Variants in KCNH8 observed in about 807,000 individuals in gnomAD.
The protein encoded by KCNH8 is potassium voltage-gated channel subfamily H member 8.
In KCNH8, 70 loss-of-function variants were observed where a neutral mutation model predicts 103.6. The ratio of observed to expected loss-of-function variants is 0.68; its 90% confidence interval spans 0.56 to 0.82. The LOEUF is 0.82. Ranked by LOEUF, KCNH8 falls within the 40% of genes least tolerant of loss-of-function variation. KCNH8 has a pLI of 0.00. For synonymous variants in KCNH8, 498 were observed against 489.4 expected (o/e 1.02, Z -0.23); for missense variants, 1,217 against 1,329.9 (o/e 0.92, Z 1.32).
intron 11 of KCNH8, among the ~76,000 whole-genome samples, chr3:19,492,185 C>T (rs1443039092): frequency 6.6e-6 from 1 of 152,184 alleles, no homozygotes; most frequent in South Asian, 2.1e-4. Flanking sequence ...TTAATTAGAT[C>T]GGACTTGTCA....
At chr3:19,501,263 G>T (rs1299952707) in intron 11 of KCNH8, among the ~76,000 whole-genome samples, 5 of 152,146 alleles carry the variant, frequency 3.3e-5, no homozygotes, top group African/African-American at 9.6e-5. Flanking sequence ...AATAACAGGA[G>T]CTGAAATTGT....
chr3:19,392,938 A>G (rs2066460659), intron 6 of KCNH8, among the ~76,000 whole-genome samples: 1 of 152,010 alleles, frequency 6.6e-6, no homozygotes, highest in African/African-American at 2.4e-5. Flanking sequence ...AGAGTTTTTG[A>G]CCAGACTGAA....
intron 1 of KCNH8, among the ~76,000 whole-genome samples, chr3:19,213,104 T>G (rs1235219693): frequency 6.6e-6 from 1 of 152,210 alleles, no homozygotes; most frequent in South Asian, 2.1e-4. Flanking sequence ...TTGCACCCAA[T>G]GTAGGAATCT....
chr3:19,486,604 A>G (rs1575126559), intron 11 of KCNH8, among the ~76,000 whole-genome samples: 2 of 151,388 alleles, frequency 1.3e-5, no homozygotes, highest in Non-Finnish European at 2.9e-5. Context: ...TTTGACACAT[A>G]GAGTGTAAAG....
intron 5 of KCNH8, among the ~76,000 whole-genome samples, chr3:19,376,993 A>G (rs1474863938): frequency 6.6e-6 from 1 of 152,216 alleles, no homozygotes; most frequent in African/African-American, 2.4e-5. Flanking sequence ...AACCATAAAC[A>G]TACATGGAAG....
intron 15 of KCNH8, among the ~76,000 whole-genome samples, chr3:19,521,175 A>T (rs1176391794): frequency 1.3e-5 from 2 of 152,006 alleles, no homozygotes; most frequent in Admixed American, 6.6e-5. Context: ...TCATTTCTGA[A>T]ATCTGGCTGA....
chr3:19,400,572 C>G (rs1158942547), intron 7 of KCNH8, among the ~76,000 whole-genome samples: 1 of 151,938 alleles, frequency 6.6e-6, no homozygotes, highest in Non-Finnish European at 1.5e-5. Context: ...TACCCTTTGG[C>G]TGGAGCAAGC....
chr3:19,464,725 C>G (rs2067701176), intron 11 of KCNH8, among the ~76,000 whole-genome samples: 1 of 152,028 alleles, frequency 6.6e-6, no homozygotes, highest in African/African-American at 2.4e-5. Flanking sequence ...AACGATCAGG[C>G]ACTTTTCAAG....
In KCNH8 at chr3:19,323,309, C is replaced by T. The variant is rs576917895; in HGVS notation, c.443-19278C>T. Among the ~76,000 whole-genome samples the T allele has an allele frequency of 6.1e-4, 93 of 151,938 alleles. 2 individuals carry two copies. In the South Asian group the frequency reaches 8.1e-3, roughly 13 times the overall value. On this transcript the variant is annotated intron_variant, in intron 3 of 15. Transcript: ENST00000328405. ...CTAAAAATATAAAAAATTAGCTGGG[C>T]GTGGTGGTGGGCACCTGTAGTCCCA...
At chr3:19,464,313 G>A (rs2067692634) in intron 11 of KCNH8, among the ~76,000 whole-genome samples, 1 of 152,112 alleles carries the variant, frequency 6.6e-6, no homozygotes, top group African/African-American at 2.4e-5. Context: ...TAATGATGAT[G>A]TATTAACTTA....
intron 11 of KCNH8, among the ~76,000 whole-genome samples, chr3:19,464,509 A>G (rs376432551): frequency 2.0e-5 from 3 of 152,248 alleles, no homozygotes; most frequent in South Asian, 2.1e-4. Context: ...ATGGACTGTA[A>G]TAACAATAAA....
At chr3:19,314,911 A>C (rs1019360836) in intron 3 of KCNH8, 1 of 154,186 alleles carries the variant, frequency 6.5e-6, no homozygotes, top group African/African-American at 2.4e-5. Flanking sequence ...AGCTTATTTC[A>C]GTCATCATAT....
chr3:19,438,390 A>T, intron 8 of KCNH8, 29 bp downstream of exon 8: 1 of 1,575,592 alleles, frequency 6.3e-7, no homozygotes, highest in Non-Finnish European at 8.7e-7. Context: ...TTATACTAAG[A>T]AGAGGAACTA....
chr3:19,276,430 G>A (rs2064673094), intron 2 of KCNH8, among the ~76,000 whole-genome samples: 1 of 151,980 alleles, frequency 6.6e-6, no homozygotes. Context: ...AAGTAAAGAT[G>A]TTATGTATTT....
chr3:19,363,537 A>G (rs894332514), intron 5 of KCNH8, among the ~76,000 whole-genome samples: 14 of 152,184 alleles, frequency 9.2e-5, no homozygotes, highest in African/African-American at 2.9e-4. Context: ...AATATTTAGT[A>G]TCATTTACAA....
intron 1 of KCNH8, among the ~76,000 whole-genome samples, chr3:19,215,950 G>A (rs1445545647): frequency 6.6e-6 from 1 of 152,202 alleles, no homozygotes; most frequent in East Asian, 1.9e-4. Context: ...GTCAGCAACT[G>A]CAAATAGAAA....
At chr3:19,183,788 C>T (rs1205329991) in intron 1 of KCNH8, among the ~76,000 whole-genome samples, 2 of 152,134 alleles carry the variant, frequency 1.3e-5, no homozygotes, top group East Asian at 3.9e-4. Flanking sequence ...AATGGACCAA[C>T]GCAATTCACA....
intron 2 of KCNH8, among the ~76,000 whole-genome samples, chr3:19,274,321 A>C (rs2064631909): frequency 6.6e-6 from 1 of 152,162 alleles, no homozygotes; most frequent in South Asian, 2.1e-4. Context: ...CAATGTTAGC[A>C]CATAATACAC....
chr3:19,183,941 T>C (rs1007283247), intron 1 of KCNH8, among the ~76,000 whole-genome samples: 2 of 152,132 alleles, frequency 1.3e-5, no homozygotes, highest in South Asian at 2.1e-4. Context: ...ATTTACGGTA[T>C]TGGCAAGAAT....
Sources: allele counts gnomAD v4.1 joint callset (sites outside exome capture counted in the v4.1 genomes callset), GRCh38; gene constraint gnomAD v4.1.1; transcripts MANE v1.5; gene names NCBI Gene and HGNC (gene_info 2026-07-23, HGNC 2026-07-21).